Variants in PPEF2 observed in about 807,000 individuals in gnomAD.
The protein encoded by PPEF2 is serine/threonine-protein phosphatase with EF-hands 2.
Under a neutral mutation model 84.7 loss-of-function variants are expected in PPEF2, and 84 were observed. The ratio of observed to expected loss-of-function variants is 0.99; its 90% CI spans 0.83 to 1.19. The LOEUF (loss-of-function observed/expected upper bound fraction) is 1.19, where lower values mean the gene tolerates loss of function less well. Ranked by LOEUF, PPEF2 falls within the 50% of genes most tolerant of loss-of-function variation. The probability of loss-of-function intolerance (pLI) is 0.00; values close to 1 mark genes in which losing one functional copy is unlikely to be tolerated. For synonymous variants in PPEF2, 346 were observed against 345.2 expected, an observed-to-expected ratio of 1.00 and a Z score of -0.03; for missense variants, 924 against 937.5, an observed-to-expected ratio of 0.99 and a Z score of 0.19.
In PPEF2 at chr4:75,876,168, G is replaced by A. The variant is rs908871273; in HGVS notation, c.1320+119C>T. On this transcript the variant is annotated intron_variant, in intron 11 of 16. Coordinates refer to ENST00000286719, the MANE Select transcript of PPEF2 (RefSeq NM_006239.3). ...AGGCAAATACTAGTGTCCTTCTGGG[G>A]TGTTGTTACCCCAGAAAGAGAAAGA... is the stretch of plus-strand genomic sequence containing the variant. 6.9e-6 allele frequency: 8 copies of A among 1,158,908 alleles called. No individual in the cohort carries two copies. In the African/African-American group the frequency reaches 1.6e-4, roughly 22 times the overall value. 71.8% of individuals were successfully genotyped at this position (1,158,908 alleles called of 1,614,324 possible).
At chr4:75,885,306 ATATT>A (rs549415548) in intron 7 of PPEF2, among the ~76,000 whole-genome samples, 46 of 152,150 alleles carry the variant, frequency 3.0e-4, no homozygotes, top group Non-Finnish European at 5.6e-4. Context: ...CAATTGCTAA[ATATT>A]TATTTATTTA....
At chr4:75,894,885 T>A (rs190308122) in intron 2 of PPEF2, among the ~76,000 whole-genome samples, 7 of 152,202 alleles carry the variant, frequency 4.6e-5, no homozygotes, top group Non-Finnish European at 1.0e-4. Context: ...AACCCTGAGC[T>A]GAAGCTAATT....
chr4:75,866,558 T>A (rs1222699801), intron 14 of PPEF2: 11 of 674,506 alleles, frequency 1.6e-5, no homozygotes, highest in Non-Finnish European at 2.9e-5. Context: ...TAAATTTTAA[T>A]TGAAGACAGA....
At chr4:75,872,979 TA>T in intron 12 of PPEF2, 147 bp downstream of exon 12, 1 of 707,686 alleles carries the variant, frequency 1.4e-6, no homozygotes, top group Non-Finnish European at 2.3e-6. Flanking sequence ...TAAATGACTG[TA>T]AAGGACCTAG....
Position 75,860,922 on chromosome 4 carries a change from T to G in PPEF2, c.2009-2A>C. On this transcript the variant is annotated splice_acceptor_variant, in intron 16 of 16. Coordinates refer to ENST00000286719, the MANE Select transcript of PPEF2 (RefSeq NM_006239.3). LOFTEE classifies it high-confidence loss of function. Reference sequence around the variant, plus strand: ...TGAACTCGTCCAGTGAGATGAACCCTTATCAGAGGGAGGAAATCACTTCAG... The same window carrying G: ...TGAACTCGTCCAGTGAGATGAACCCGTATCAGAGGGAGGAAATCACTTCAG... 6.2e-7 allele frequency: 1 copy of G among 1,611,410 alleles called. No individual in the cohort carries two copies. The highest frequency in any genetic ancestry group is 8.5e-7 in the Non-Finnish European group (1 of 1,177,772).
chr4:75,861,054 C>T, intron 16 of PPEF2, 134 bp from the exon 17 acceptor site: 3 of 1,082,482 alleles, frequency 2.8e-6, no homozygotes, highest in Non-Finnish European at 4.0e-6. Flanking sequence ...CTAATTTAAA[C>T]TCCCAAGAGG....
At chr4:75,868,500 A>G (rs890695324) in intron 13 of PPEF2, among the ~76,000 whole-genome samples, 1 of 152,128 alleles carries the variant, frequency 6.6e-6, no homozygotes, top group Non-Finnish European at 1.5e-5. Flanking sequence ...GGCATTTAAC[A>G]TGACAGTCTT....
chr4:75,880,087 C>A (rs1304549036), intron 10 of PPEF2, among the ~76,000 whole-genome samples: 4 of 152,276 alleles, frequency 2.6e-5, no homozygotes, highest in African/African-American at 9.6e-5. Context: ...CTCGGCCTCC[C>A]AAAATGCTGG....
intron 5 of PPEF2, among the ~76,000 whole-genome samples, chr4:75,889,669 T>C (rs1416531182): frequency 6.6e-6 from 1 of 152,236 alleles, no homozygotes; most frequent in Admixed American, 6.5e-5. Context: ...TGTTCACTGC[T>C]GTATCCTCAG....
rs758706476 is a variant in PPEF2 at position 75,884,751 on chromosome 4, G to A, written c.589C>T (p.Pro197Ser). 6.3e-7 allele frequency: 1 copy of A among 1,580,816 alleles called. No individual in the cohort carries two copies. The highest frequency in any genetic ancestry group is 8.6e-7 in the Non-Finnish European group (1 of 1,167,186). Residue 197 changes from proline (P) to serine (S), a missense_variant, in exon 8 of 17, where the codon CCG (proline) becomes TCG (serine). Coordinates refer to ENST00000286719, the MANE Select transcript of PPEF2 (RefSeq NM_006239.3). Reference sequence around the variant, plus strand: ...AACACATATGACCGTTCTGGCGACGGGAGGCCATTCTTTTCAACAAGGAGA... The same window carrying A: ...AACACATATGACCGTTCTGGCGACGAGAGGCCATTCTTTTCAACAAGGAGA... ...LIFIFYKNGL[P>S]SPERSYVFNG...
intron 16 of PPEF2, among the ~76,000 whole-genome samples, chr4:75,864,131 C>T (rs1377969967): frequency 6.6e-6 from 1 of 152,054 alleles, no homozygotes; most frequent in Non-Finnish European, 1.5e-5. Flanking sequence ...CCTCAGCCTC[C>T]CAAAGTGCTG....
intron 10 of PPEF2, among the ~76,000 whole-genome samples, chr4:75,882,498 T>C (rs1724602610): frequency 6.6e-6 from 1 of 151,594 alleles, no homozygotes; most frequent in African/African-American, 2.4e-5. Flanking sequence ...ACTAAGTGAC[T>C]ACAGCACACT....
chr4:75,898,282 C>T (rs1725051866), intron 1 of PPEF2, among the ~76,000 whole-genome samples: 2 of 152,174 alleles, frequency 1.3e-5, no homozygotes, highest in African/African-American at 4.8e-5. Flanking sequence ...TGTTTATGGC[C>T]AGTTTTGGGG....
At chr4:75,891,111 G>A (rs1208903139) in intron 4 of PPEF2, among the ~76,000 whole-genome samples, 1 of 151,698 alleles carries the variant, frequency 6.6e-6, no homozygotes, top group African/African-American at 2.4e-5. Context: ...AACCCGGGAG[G>A]TAGAGGTTGC....
In PPEF2 at chr4:75,873,183, G is replaced by A. The variant is rs1218316239; in HGVS notation, c.1450C>T (p.Leu484=). 11 of 1,614,050 alleles carry A rather than the reference G, an allele frequency of 6.8e-6. No homozygotes were observed. Among genetic ancestry groups the A allele is most frequent in the Non-Finnish European group, 9.3e-6 (11 of 1,180,024 alleles). ...GGTTTGCATTCATGTGAACGGATCA[G>A]GAATTGCATGTTGTATTTTTGTAGC... ...QLLQKYNMQF[L]IRSHECKPEG... The change falls in exon 12 of 17, where the codon CTG becomes TTG. Residue 484 remains leucine, a synonymous_variant. Coordinates refer to ENST00000286719, the MANE Select transcript of PPEF2 (RefSeq NM_006239.3).
intron 16 of PPEF2, among the ~76,000 whole-genome samples, chr4:75,862,004 T>C (rs929999600): frequency 6.6e-6 from 1 of 151,070 alleles, no homozygotes; most frequent in African/African-American, 2.4e-5. Context: ...TAAAAACTTT[T>C]GGGTATCAGG....
chr4:75,888,304 T>C lies in PPEF2; in HGVS notation c.442A>G (p.Asn148Asp), dbSNP rs753242301. ...KQQLHARYVLNLLYETKKHLV... is the reference protein window; with the variant it reads ...KQQLHARYVLDLLYETKKHLV... Reference sequence around the variant, plus strand: ...TGTTTCTTGGTTTCATACAAAAGGTTCAAGACGTAGCGAGCATGGAGCTGC... The same window carrying C: ...TGTTTCTTGGTTTCATACAAAAGGTCCAAGACGTAGCGAGCATGGAGCTGC... The change falls in exon 6 of 17, where the codon AAC becomes GAC. Residue 148 changes from asparagine (N) to aspartate (D), a missense_variant. Coordinates refer to ENST00000286719, the MANE Select transcript of PPEF2 (RefSeq NM_006239.3). The C allele has an allele frequency of 6.2e-7, 1 of 1,613,922 alleles. No homozygotes were observed. The highest frequency in any genetic ancestry group is 1.1e-5 in the South Asian group (1 of 91,066).
chr4:75,862,342 A>C (rs1207226910), intron 16 of PPEF2, among the ~76,000 whole-genome samples: 1 of 151,504 alleles, frequency 6.6e-6, no homozygotes, highest in Non-Finnish European at 1.5e-5. Context: ...ATCAAAGGAC[A>C]CTACCAAGAA....
intron 16 of PPEF2, among the ~76,000 whole-genome samples, chr4:75,862,791 A>G (rs1724038518): frequency 6.6e-6 from 1 of 152,198 alleles, no homozygotes; most frequent in Non-Finnish European, 1.5e-5. Flanking sequence ...AGGCAATTAC[A>G]CTCCTAGATA....
Sources: allele counts gnomAD v4.1 joint callset (sites outside exome capture counted in the v4.1 genomes callset), GRCh38; gene constraint gnomAD v4.1.1; transcripts MANE v1.5; gene names NCBI Gene and HGNC (gene_info 2026-07-23, HGNC 2026-07-21).